Variants in ZNF804B observed in about 807,000 individuals in gnomAD.
The protein encoded by ZNF804B is zinc finger protein 804B.
A neutral mutation model predicts 101.4 loss-of-function variants in ZNF804B; 80 were observed. The ratio of observed to expected loss-of-function variants is 0.79; its 90% confidence interval spans 0.66 to 0.95. ZNF804B has a LOEUF of 0.95. Among genes scored for constraint, ZNF804B ranks in the 40% least tolerant of loss-of-function variants. The pLI is 0.00. For missense variants in ZNF804B, 1,673 were observed against 1,561.9 expected, an observed-to-expected ratio of 1.07 and a Z score of -1.20; for synonymous variants, 622 against 558.8, an observed-to-expected ratio of 1.11 and a Z score of -1.59.
At chr7:89,290,287 G>T (rs747526120) in intron 2 of ZNF804B, among the ~76,000 whole-genome samples, 2 of 152,232 alleles carry the variant, frequency 1.3e-5, no homozygotes, top group African/African-American at 4.8e-5. Flanking sequence ...CACATTCCAA[G>T]ATCTGATGGC....
intron 1 of ZNF804B, among the ~76,000 whole-genome samples, chr7:88,856,568 T>G (rs1390793815): frequency 6.6e-6 from 1 of 152,142 alleles, no homozygotes; most frequent in African/African-American, 2.4e-5. Context: ...ACAATTTGAC[T>G]TCCTCTTTTC....
intron 1 of ZNF804B, among the ~76,000 whole-genome samples, chr7:88,852,621 T>C (rs1791464665): frequency 6.6e-6 from 1 of 152,096 alleles, no homozygotes; most frequent in African/African-American, 2.4e-5. Flanking sequence ...AAACATCTGA[T>C]AACAATGGCT....
rs532691695 is a variant in ZNF804B at position 89,265,320 on chromosome 7, G to A, written c.249+47025G>A. Among the ~76,000 whole-genome samples the A allele has an allele frequency of 2.2e-3, 320 of 143,672 alleles. 1 individual carries two copies. Among genetic ancestry groups the A allele is most frequent in the African/African-American group, 7.9e-3 (305 of 38,660 alleles). 94.3% of individuals were successfully genotyped at this position (143,672 alleles called of 152,430 possible). A position where few individuals can be genotyped will look rare whatever the true frequency, so the allele number is the denominator to read the frequency against. ...CGCGTGCGCGCGCGCACACATGCAC[G>A]TGCACAGGCACACACTTGATTTGGG... On this transcript the variant is annotated intron_variant, in intron 2 of 3. Coordinates refer to ENST00000333190, the MANE Select transcript of ZNF804B (RefSeq NM_181646.5).
intron 1 of ZNF804B, among the ~76,000 whole-genome samples, chr7:89,211,322 T>TTTG (rs758060027): frequency 4.6e-5 from 7 of 152,136 alleles, no homozygotes; most frequent in African/African-American, 1.4e-4. Flanking sequence ...TAGTGGGTTT[T>TTTG]TTGTTGTTGT....
chr7:89,268,540 C>A (rs1394656428), intron 2 of ZNF804B, among the ~76,000 whole-genome samples: 2 of 151,740 alleles, frequency 1.3e-5, no homozygotes, highest in African/African-American at 4.8e-5. Flanking sequence ...CTATTCCAGG[C>A]AGCAAGGCAC....
intron 1 of ZNF804B, among the ~76,000 whole-genome samples, chr7:89,072,904 C>T (rs1789563544): frequency 6.6e-6 from 1 of 152,000 alleles, no homozygotes; most frequent in Admixed American, 6.6e-5. Flanking sequence ...CTCAGAAATG[C>T]ACCTGGGCAA....
chr7:89,282,721 G>A (rs1009923251), intron 2 of ZNF804B, among the ~76,000 whole-genome samples: 2 of 152,158 alleles, frequency 1.3e-5, no homozygotes, highest in Non-Finnish European at 2.9e-5. Flanking sequence ...AAGAGGCAGA[G>A]GGATATTTGA....
At position 89,027,491 on chromosome 7, in the gene ZNF804B, C is replaced by A. The variant is rs370481669; in HGVS notation, c.109-190664C>A. On this transcript the variant is annotated intron_variant, in intron 1 of 3. Coordinates refer to ENST00000333190, the MANE Select transcript of ZNF804B (RefSeq NM_181646.5). ...AATAACCTTAGATTTCTCAGCCCTT[C>A]TTTCCACCCTACAAGAAGCTAATTA... 1.2e-3 allele frequency among the ~76,000 whole-genome samples: 180 copies of A among 152,306 alleles called. 4 individuals are homozygous for A. The South Asian group carries it at 0.035, about 29-fold the overall frequency.
chr7:88,936,720 G>A (rs374934607), intron 1 of ZNF804B, among the ~76,000 whole-genome samples: 13 of 152,052 alleles, frequency 8.5e-5, no homozygotes, highest in East Asian at 1.9e-4. Context: ...AGGAAATTGC[G>A]TTCCTTCAGG....
chr7:89,192,374 T>TA (rs1249545172), intron 1 of ZNF804B, among the ~76,000 whole-genome samples: 1 of 151,486 alleles, frequency 6.6e-6, no homozygotes, highest in African/African-American at 2.4e-5. Context: ...GGGGAATGGA[T>TA]AAAAAACGGT....
chr7:88,820,374 C>T (rs1790957690), intron 1 of ZNF804B, among the ~76,000 whole-genome samples: 1 of 152,168 alleles, frequency 6.6e-6, no homozygotes. Flanking sequence ...GTGCCTTTGC[C>T]TCCTAGGGTT....
In ZNF804B at chr7:89,001,691, A is replaced by G. The variant is rs1054820570; in HGVS notation, c.109-216464A>G. ...GCAAGACTCACCATTATAAAACTGT[A>G]TGATGATTAGGGCTAAATAGTTACT... On this transcript the variant is annotated intron_variant, in intron 1 of 3. Transcript: ENST00000333190. Among the ~76,000 whole-genome samples the G allele has an allele frequency of 3.9e-5, 6 of 151,958 alleles. No individual in the cohort carries two copies. In the East Asian group the frequency reaches 9.6e-4, roughly 24 times the overall value.
intron 1 of ZNF804B, among the ~76,000 whole-genome samples, chr7:89,057,060 C>T (rs114112272): frequency 2.2e-3 from 337 of 152,044 alleles, no homozygotes; most frequent in African/African-American, 7.7e-3. Context: ...TGAGGGGGTC[C>T]TCCAACTTGT....
intron 1 of ZNF804B, among the ~76,000 whole-genome samples, chr7:89,161,908 A>G (rs561232560): frequency 6.6e-6 from 1 of 152,250 alleles, no homozygotes. Context: ...TGAGATAGTA[A>G]ATTTTATCCA....
intron 1 of ZNF804B, among the ~76,000 whole-genome samples, chr7:89,022,661 G>A (rs1788685646): frequency 6.6e-6 from 1 of 152,182 alleles, no homozygotes; most frequent in Admixed American, 6.5e-5. Context: ...ATGAAAGAAA[G>A]CTTATGTGTT....
chr7:89,159,074 G>A (rs1791019230), intron 1 of ZNF804B, among the ~76,000 whole-genome samples: 2 of 152,060 alleles, frequency 1.3e-5, no homozygotes, highest in African/African-American at 4.8e-5. Context: ...GGTCCTACAG[G>A]CTCCCTAGTA....
intron 1 of ZNF804B, among the ~76,000 whole-genome samples, chr7:88,934,788 G>A (rs961756213): frequency 6.6e-6 from 1 of 151,802 alleles, no homozygotes; most frequent in Non-Finnish European, 1.5e-5. Context: ...TTACATTCCT[G>A]GTGGGAATGT....
At chr7:88,869,073 A>T (rs2115874293) in intron 1 of ZNF804B, among the ~76,000 whole-genome samples, 1 of 152,304 alleles carries the variant, frequency 6.6e-6, no homozygotes, top group African/African-American at 2.4e-5. Context: ...CTGTTTTTTT[A>T]AAAAGTTTAA....
intron 1 of ZNF804B, among the ~76,000 whole-genome samples, chr7:88,808,885 A>G (rs1348416136): frequency 6.6e-6 from 1 of 152,186 alleles, no homozygotes; most frequent in Admixed American, 6.5e-5. Context: ...ATAGGGCTCA[A>G]GGTGACCCTT....
Sources: gnomAD v4.1 joint callset for allele counts (sites outside exome capture counted in the v4.1 genomes callset) on GRCh38, gnomAD v4.1.1 for gene constraint, MANE v1.5 for transcripts, NCBI Gene and HGNC (gene_info 2026-07-23, HGNC 2026-07-21) for gene names.